ODAD4: variants seen among roughly 807,000 people sequenced by gnomAD.
ODAD4 encodes outer dynein arm docking complex subunit 4, also known as outer dynein arm-docking complex subunit 4.
ODAD4 carries 49 observed loss-of-function variants against 51.8 expected under a neutral mutation model. The ratio of observed to expected loss-of-function variants is 0.95; its 90% CI spans 0.75 to 1.20. The LOEUF is 1.20. ODAD4 is among the 50% of genes most tolerant of loss of function. The probability of loss-of-function intolerance (pLI) is 0.00; values close to 1 mark genes in which losing one functional copy is unlikely to be tolerated. For missense variants in ODAD4, 590 were observed against 586.5 expected (o/e 1.01, Z -0.06); for synonymous variants, 235 against 221.3 (o/e 1.06, Z -0.55).
intron 11 of ODAD4, among the ~76,000 whole-genome samples, chr17:41,963,104 T>C (rs1344433767): frequency 6.6e-6 from 1 of 152,192 alleles, no homozygotes; most frequent in Non-Finnish European, 1.5e-5. Context: ...TACCCTGGCC[T>C]GCGTCCTTGT....
rs782220044 is a variant in ODAD4, at chr17:41,965,216, C to G, written c.1752C>G (p.Gly584=). The change falls in exon 12 of 12, where the codon GGC becomes GGG. Residue 584 remains glycine (G), a synonymous_variant. Coordinates refer to ENST00000377540, the MANE Select transcript of ODAD4 (RefSeq NM_031421.5). ...GCGATTTGGGAGCAGTTGCCAAGGG[C>G]CTGTCAGGAGAATTAGGCACAAGAT... ...ARSDLGAVAK[G]LSGELGTRSG... is the part of the protein sequence containing the mutation. 1 of 775,044 alleles carries G rather than the reference C, an allele frequency of 1.3e-6. No individual in the cohort carries two copies. Among genetic ancestry groups the G allele is most frequent in the Admixed American group, 1.7e-5 (1 of 57,808 alleles). 48.0% of individuals were successfully genotyped at this position (775,044 alleles called of 1,614,324 possible).
chr17:41,936,121 A>T (rs1322607618), intron 3 of ODAD4, among the ~76,000 whole-genome samples: 2 of 152,196 alleles, frequency 1.3e-5, no homozygotes, highest in Admixed American at 1.3e-4. Flanking sequence ...ACGCATACCA[A>T]GGGCTGGCCT....
chr17:41,935,656 GTATTC>G lies in ODAD4; in HGVS notation c.308_312del (p.Phe103SerfsTer9), dbSNP rs2050415524. The G allele has an allele frequency of 2.5e-6, 4 of 1,613,474 alleles. No homozygotes were observed. Among genetic ancestry groups the G allele is most frequent in the Non-Finnish European group, 3.4e-6 (4 of 1,179,740 alleles). ...CATGGGAGACTTTGAGTTTGCCTTG[GTATTC>G]TATCATCGAGGCTACAAGCTGAGGC... On this transcript the variant is annotated frameshift_variant, in exon 3 of 12. Coordinates refer to ENST00000377540, the MANE Select transcript of ODAD4 (RefSeq NM_031421.5). LOFTEE classifies it high-confidence loss of function.
intron 10 of ODAD4, among the ~76,000 whole-genome samples, chr17:41,956,856 T>TAC (rs1481207022): frequency 6.6e-6 from 1 of 152,222 alleles, no homozygotes; most frequent in Non-Finnish European, 1.5e-5. Flanking sequence ...GTGCTGGGAT[T>TAC]ACAGGCATGG....
chr17:41,965,354 G>A lies in ODAD4; in HGVS notation c.1890G>A (p.Gln630=). 5.1e-6 allele frequency: 4 copies of A among 780,706 alleles called. No homozygotes were observed. Among genetic ancestry groups the A allele is most frequent in the Non-Finnish European group, 9.6e-6 (4 of 417,978 alleles). The allele number at this position is 780,706 out of a possible 1,614,324, so 48.4% of individuals were successfully genotyped here. A position where few individuals can be genotyped will look rare whatever the true frequency, so the allele number is the denominator to read the frequency against. Residue 630 remains glutamine (Q), a synonymous_variant, in exon 12 of 12, where the codon CAG becomes CAA. Coordinates refer to ENST00000377540, the MANE Select transcript of ODAD4 (RefSeq NM_031421.5). ...EQRLSGEFSR[Q]EPEELKKLSE... ...GACTCTCAGGAGAATTCAGCAGACAGGAACCAGAAGAACTAAAGAAACTTT... is the reference window on the plus strand; with the variant it reads ...GACTCTCAGGAGAATTCAGCAGACAAGAACCAGAAGAACTAAAGAAACTTT...
chr17:41,932,306 T>TGATC (rs1343148237), intron 1 of ODAD4, among the ~76,000 whole-genome samples: 1 of 151,838 alleles, frequency 6.6e-6, no homozygotes, highest in Non-Finnish European at 1.5e-5. Context: ...CCACCTCAGG[T>TGATC]GATCCCCCCC....
chr17:41,943,048 A>G (rs2050528720), intron 7 of ODAD4, among the ~76,000 whole-genome samples: 1 of 152,032 alleles, frequency 6.6e-6, no homozygotes, highest in African/African-American at 2.4e-5. Context: ...CACAAGTACT[A>G]TAATGTCAGG....
chr17:41,940,809 C>T (rs1378150814), intron 7 of ODAD4, among the ~76,000 whole-genome samples: 1 of 152,236 alleles, frequency 6.6e-6, no homozygotes, highest in African/African-American at 2.4e-5. Flanking sequence ...AGACCTCTCT[C>T]CTGAGCCTCA....
intron 8 of ODAD4, 83 bp downstream of exon 8, chr17:41,945,305 G>C: frequency 2.4e-6 from 2 of 847,868 alleles, no homozygotes; most frequent in Non-Finnish European, 3.5e-6. Flanking sequence ...CCGGTAATAA[G>C]AATCCAGCCT....
rs1555637660 is a variant in ODAD4 at position 41,935,674 on chromosome 17, T to TA, written c.323dup (p.Tyr108Ter). ...TGCCTTGGTATTCTATCATCGAGGC[T>TA]ACAAGCTGAGGCCTGATCGGGAATT... ...EFALVFYHRGYKLRPDREFRV... is the reference protein window; with the variant it reads ...EFALVFYHRG The change falls in exon 3 of 12, where the codon TAC becomes TAAC. Residue 108 changes from tyrosine (Y) to a stop codon, truncating the protein, a stop_gained and frameshift_variant. Transcript: ENST00000377540. LOFTEE classifies it high-confidence loss of function. The TA allele has an allele frequency of 5.0e-6, 8 of 1,613,668 alleles. No homozygotes were observed. Among genetic ancestry groups the TA allele is most frequent in the Non-Finnish European group, 6.8e-6 (8 of 1,179,812 alleles).
chr17:41,955,174 G>T (rs782105933), intron 9 of ODAD4, 43 bp from the exon 10 acceptor site: 1 of 752,330 alleles, frequency 1.3e-6, no homozygotes, highest in South Asian at 1.4e-5. Flanking sequence ...ACCACACGTT[G>T]TCACACTCTA....
At chr17:41,943,261 T>A (rs1035722261) in intron 7 of ODAD4, among the ~76,000 whole-genome samples, 51 of 152,136 alleles carry the variant, frequency 3.4e-4, no homozygotes, top group Admixed American at 1.7e-3. Flanking sequence ...TTTATTTTTT[T>A]AAAAAAGAAT....
At chr17:41,933,045 T>G (rs2050372821) in intron 1 of ODAD4, among the ~76,000 whole-genome samples, 1 of 145,542 alleles carries the variant, frequency 6.9e-6, no homozygotes, top group Non-Finnish European at 1.5e-5. Flanking sequence ...AACCACACCC[T>G]AAAACCAGAA....
intron 8 of ODAD4, among the ~76,000 whole-genome samples, chr17:41,948,379 C>T (rs1209601255): frequency 0.015 from 2,214 of 145,892 alleles, 57 homozygotes; most frequent in African/African-American, 0.053. Flanking sequence ...TGCAGTGGCA[C>T]GATTATAGCT....
intron 10 of ODAD4, among the ~76,000 whole-genome samples, chr17:41,960,348 T>TGAGGCAGGAGAATGGCATG (rs1567940242): frequency 1.3e-5 from 2 of 152,080 alleles, no homozygotes; most frequent in African/African-American, 4.8e-5. Flanking sequence ...CTCAGGAGGC[T>TGAGGCAGGAGAATGGCATG]GAGGCAGGAG....
intron 11 of ODAD4, among the ~76,000 whole-genome samples, chr17:41,961,849 G>A (rs1326845921): frequency 1.3e-5 from 2 of 152,210 alleles, no homozygotes; most frequent in African/African-American, 4.8e-5. Context: ...CTGGGATCCT[G>A]CACACAGGTG....
At chr17:41,934,519 T>G (rs186186845) in intron 1 of ODAD4, among the ~76,000 whole-genome samples, 1 of 151,596 alleles carries the variant, frequency 6.6e-6, no homozygotes, top group Non-Finnish European at 1.5e-5. Flanking sequence ...GCCCAGCTAA[T>G]TTTTTTGTAT....
intron 1 of ODAD4, among the ~76,000 whole-genome samples, chr17:41,931,418 C>T (rs1386718550): frequency 1.3e-5 from 2 of 152,194 alleles, no homozygotes; most frequent in Non-Finnish European, 2.9e-5. Context: ...AACCGGCCTC[C>T]TTCCACAGAG....
At chr17:41,936,662 C>A in intron 4 of ODAD4, 100 bp from the exon 5 acceptor site, 1 of 1,546,310 alleles carries the variant, frequency 6.5e-7, no homozygotes, top group East Asian at 2.3e-5. Flanking sequence ...ACAGAAAGGT[C>A]CTGGAGTTGG....
Sources: gnomAD v4.1 joint callset for allele counts (sites outside exome capture counted in the v4.1 genomes callset) on GRCh38, gnomAD v4.1.1 for gene constraint, MANE v1.5 for transcripts, NCBI Gene and HGNC (gene_info 2026-07-23, HGNC 2026-07-21) for gene names.